The following HOMER1 variants were observed in gnomAD, a reference collection of about 807,000 sequenced individuals.
The protein encoded by HOMER1 is homer protein homolog 1.
A neutral mutation model predicts 48.9 loss-of-function variants in HOMER1; 3 were observed. That is an observed-to-expected ratio of 0.06 (90% confidence interval 0.03 to 0.16). HOMER1 has a LOEUF of 0.16. Among genes scored for constraint, HOMER1 ranks in the 10% least tolerant of loss-of-function variants. The pLI, the probability that HOMER1 is intolerant of heterozygous loss-of-function variation, is 1.00. For synonymous variants in HOMER1, 134 were observed against 146.4 expected (o/e 0.92, Z 0.61); for missense variants, 247 against 411.4 (o/e 0.60, Z 3.46).
At chr5:79,413,011 A>C (rs1208983456) in intron 5 of HOMER1, among the ~76,000 whole-genome samples, 1 of 152,214 alleles carries the variant, frequency 6.6e-6, no homozygotes, top group Non-Finnish European at 1.5e-5. Flanking sequence ...TTAAAAATAC[A>C]CTGAATGGAC....
chr5:79,403,537 G>A (rs1749585267), intron 5 of HOMER1, among the ~76,000 whole-genome samples: 1 of 152,014 alleles, frequency 6.6e-6, no homozygotes, highest in Non-Finnish European at 1.5e-5. Flanking sequence ...CCCAAACTGA[G>A]GGACAATCTG....
chr5:79,432,206 C>T (rs1253269793), intron 5 of HOMER1, among the ~76,000 whole-genome samples: 1 of 152,196 alleles, frequency 6.6e-6, no homozygotes, highest in Non-Finnish European at 1.5e-5. Context: ...TTCTTCTCTA[C>T]GTCCTAGAGC....
chr5:79,468,012 G>A (rs960115926), intron 1 of HOMER1, among the ~76,000 whole-genome samples: 1 of 152,112 alleles, frequency 6.6e-6, no homozygotes, highest in Non-Finnish European at 1.5e-5. Flanking sequence ...GGGCTCATGC[G>A]ATCCTCTCAC....
At chr5:79,479,592 A>C (rs147206324) in intron 1 of HOMER1, among the ~76,000 whole-genome samples, 39 of 152,316 alleles carry the variant, frequency 2.6e-4, no homozygotes, top group African/African-American at 9.1e-4. Flanking sequence ...CAGCCTCCTG[A>C]AGGAGTGTGG....
chr5:79,423,247 T>C (rs370393155), intron 5 of HOMER1, among the ~76,000 whole-genome samples: 4 of 152,302 alleles, frequency 2.6e-5, no homozygotes, highest in African/African-American at 9.6e-5. Context: ...TGGTTTCTTT[T>C]TGCTGGTTAT....
chr5:79,379,210 TA>T (rs1200535703), intron 8 of HOMER1, among the ~76,000 whole-genome samples: 3 of 107,262 alleles, frequency 2.8e-5, no homozygotes, highest in African/African-American at 1.1e-4. Flanking sequence ...ATATTATATA[TA>T]TTTTTATATA....
chr5:79,410,634 C>T (rs960095099), intron 5 of HOMER1, among the ~76,000 whole-genome samples: 5 of 151,916 alleles, frequency 3.3e-5, no homozygotes, highest in Non-Finnish European at 5.9e-5. Flanking sequence ...GAATACCCTA[C>T]ACAACTTCAA....
In HOMER1 at chr5:79,466,499, A is replaced by AAATAAT. The variant is rs143679793; in HGVS notation, c.6-9487_6-9482dup. Among the ~76,000 whole-genome samples, 588 of 148,180 alleles carry AAATAAT rather than the reference A, an allele frequency of 4.0e-3. 1 individual carries two copies. The highest frequency in any genetic ancestry group is 8.1e-3 in the African/African-American group (330 of 40,502). ...GCCAACAGAGGAGACCCTGTCTCAA[A>AAATAAT]AATAATAATAATAATAATAATAATA... On this transcript the variant is annotated intron_variant, in intron 1 of 8. Coordinates refer to ENST00000334082, the MANE Select transcript of HOMER1 (RefSeq NM_004272.5).
rs961730111 is a variant in HOMER1, at chr5:79,440,314, G to A, written c.388-1165C>T. ...TAAATATTAACGTGGTGAGACTTTTGTTTTTGAGACTTCTGGTTTTATACT... is the reference window on the plus strand; with the variant it reads ...TAAATATTAACGTGGTGAGACTTTTATTTTTGAGACTTCTGGTTTTATACT... On this transcript the variant is annotated intron_variant, in intron 4 of 8. Coordinates refer to ENST00000334082, the MANE Select transcript of HOMER1 (RefSeq NM_004272.5). 4.6e-5 allele frequency among the ~76,000 whole-genome samples: 7 copies of A among 152,084 alleles called. No individual in the cohort carries two copies. In the East Asian group the frequency reaches 7.7e-4, roughly 17 times the overall value.
intron 1 of HOMER1, among the ~76,000 whole-genome samples, chr5:79,471,472 G>A (rs1418540540): frequency 6.6e-6 from 1 of 151,270 alleles, no homozygotes; most frequent in African/African-American, 2.4e-5. Context: ...CTTGAACCTG[G>A]GAGGCAGAGG....
intron 5 of HOMER1, among the ~76,000 whole-genome samples, chr5:79,428,843 C>G (rs79925251): frequency 1.3e-5 from 2 of 152,102 alleles, no homozygotes; most frequent in African/African-American, 2.4e-5. Context: ...TTAAGAGGAA[C>G]ATTTTGGCCG....
At chr5:79,483,821 G>A (rs986052454) in intron 1 of HOMER1, among the ~76,000 whole-genome samples, 5 of 150,818 alleles carry the variant, frequency 3.3e-5, no homozygotes, top group South Asian at 2.1e-4. Flanking sequence ...TTGGGAGGCC[G>A]AGGTGGGTGG....
intron 1 of HOMER1, among the ~76,000 whole-genome samples, chr5:79,477,687 C>A (rs141177467): frequency 3.3e-5 from 5 of 152,302 alleles, no homozygotes; most frequent in Middle Eastern, 6.8e-3. Flanking sequence ...AAATGTCTGA[C>A]AGTTTTTGAG....
intron 1 of HOMER1, among the ~76,000 whole-genome samples, chr5:79,493,372 A>C (rs1260825482): frequency 6.6e-6 from 1 of 152,078 alleles, no homozygotes; most frequent in Non-Finnish European, 1.5e-5. Context: ...TCTATTCCCA[A>C]GGCTCTGACC....
Position 79,513,660 on chromosome 5 carries a change from T to C in HOMER1, c.-886A>G, listed in dbSNP as rs1468729738. The C allele has an allele frequency of 4.0e-5, 6 of 150,482 alleles. No individual in the cohort carries two copies. Among genetic ancestry groups the C allele is most frequent in the Admixed American group, 3.3e-4 (5 of 15,124 alleles). 9.3% of individuals were successfully genotyped at this position (150,482 alleles called of 1,614,324 possible). A position where few individuals can be genotyped will look rare whatever the true frequency, so the allele number is the denominator to read the frequency against. Reference sequence around the variant, plus strand: ...TTCGCGGCTGCCCCCTCTTCCCTCCTCTCTTCAGAGCACAGCGGGTCTGAG... The same window carrying C: ...TTCGCGGCTGCCCCCTCTTCCCTCCCCTCTTCAGAGCACAGCGGGTCTGAG... On this transcript the variant is annotated 5_prime_UTR_variant, in exon 1 of 9. Coordinates refer to ENST00000334082, the MANE Select transcript of HOMER1 (RefSeq NM_004272.5).
chr5:79,451,997 G>A (rs1005258253), intron 2 of HOMER1, among the ~76,000 whole-genome samples: 2 of 152,016 alleles, frequency 1.3e-5, no homozygotes, highest in African/African-American at 4.8e-5. Flanking sequence ...TCTAAATATA[G>A]AGGTGTTCCT....
At chr5:79,430,615 C>A (rs1750395315) in intron 5 of HOMER1, among the ~76,000 whole-genome samples, 1 of 152,140 alleles carries the variant, frequency 6.6e-6, no homozygotes, top group South Asian at 2.1e-4. Flanking sequence ...GTGGAAGCAA[C>A]CAAAATGTCT....
At chr5:79,472,686 G>A (rs1751655734) in intron 1 of HOMER1, among the ~76,000 whole-genome samples, 1 of 151,996 alleles carries the variant, frequency 6.6e-6, no homozygotes, top group Non-Finnish European at 1.5e-5. Context: ...GACCGAGGCA[G>A]GAGGATCGCT....
intron 1 of HOMER1, among the ~76,000 whole-genome samples, chr5:79,464,674 T>G (rs1282630107): frequency 1.3e-5 from 2 of 152,194 alleles, no homozygotes; most frequent in African/African-American, 4.8e-5. Flanking sequence ...TTCTCATACA[T>G]ATATCCTACC....
Sources: gnomAD v4.1 joint callset for allele counts (sites outside exome capture counted in the v4.1 genomes callset) on GRCh38, gnomAD v4.1.1 for gene constraint, MANE v1.5 for transcripts, NCBI Gene and HGNC (gene_info 2026-07-23, HGNC 2026-07-21) for gene names.